Variants in AXL observed in about 807,000 individuals in gnomAD.
AXL encodes AXL receptor tyrosine kinase, also known as tyrosine-protein kinase receptor UFO.
AXL carries 52 observed loss-of-function variants against 104.5 expected under a neutral mutation model. That is an observed-to-expected ratio of 0.50 (90% CI 0.40 to 0.63). AXL has a LOEUF of 0.63. Ranked by LOEUF, AXL falls within the 20% of genes least tolerant of loss-of-function variation. The pLI is 0.00. For missense variants in AXL, 1,024 were observed against 1,188.5 expected (o/e 0.86, Z 2.04); for synonymous variants, 455 against 473.7 (o/e 0.96, Z 0.51).
At chr19:41,236,795 A>G (rs1471690823) in intron 6 of AXL, among the ~76,000 whole-genome samples, 2 of 151,988 alleles carry the variant, frequency 1.3e-5, no homozygotes, top group African/African-American at 2.4e-5. Context: ...GGAAAAAAAA[A>G]AAAAAAGAAA....
intron 2 of AXL, 102 bp from the exon 3 acceptor site, chr19:41,221,044 C>A: frequency 1.6e-6 from 2 of 1,247,734 alleles, no homozygotes; most frequent in Non-Finnish European, 2.3e-6. Flanking sequence ...TCGTGGTTGT[C>A]ATGAGCTTCC....
At position 41,230,960 on chromosome 19, in the gene AXL, T is replaced by A; in HGVS notation, c.587-7T>A. The A allele has an allele frequency of 1.2e-6, 2 of 1,613,478 alleles. 1 individual carries two copies. The highest frequency in any genetic ancestry group is 2.2e-5 in the South Asian group (2 of 91,062). On this transcript the variant is annotated splice_region_variant and splice_polypyrimidine_tract_variant and intron_variant, in intron 4 of 19. Coordinates refer to ENST00000301178, the MANE Select transcript of AXL (RefSeq NM_021913.5). ...ATATTGGACCCTTCCCTCATATGAC[T>A]CCCTAGGGCTGAACAAGACATCCTC...
intron 4 of AXL, among the ~76,000 whole-genome samples, chr19:41,226,558 G>T (rs920590124): frequency 6.6e-6 from 1 of 152,152 alleles, no homozygotes; most frequent in African/African-American, 2.4e-5. Context: ...CACTCCCTCC[G>T]CTGACGGAGA....
Position 41,242,969 on chromosome 19 carries a change from T to C in AXL, c.1399T>C (p.Leu467=), listed in dbSNP as rs1419586157. Residue 467 remains leucine, a synonymous_variant, in exon 11 of 20, where the codon TTG becomes CTG. Transcript: ENST00000301178. Reference sequence around the variant, plus strand: ...CGTGGCCGCTGCCTGTGTCCTCATCTTGGCTCTCTTCCTTGTCCACCGGCG... The same window carrying C: ...CGTGGCCGCTGCCTGTGTCCTCATCCTGGCTCTCTTCCTTGTCCACCGGCG... ...AVVAAACVLI[L]ALFLVHRRKK... 4 of 1,614,238 alleles carry C rather than the reference T, an allele frequency of 2.5e-6. No individual in the cohort carries two copies. Among genetic ancestry groups the C allele is most frequent in the Non-Finnish European group, 2.5e-6 (3 of 1,180,040 alleles).
intron 4 of AXL, among the ~76,000 whole-genome samples, chr19:41,228,940 GTCTTT>G (rs1194158575): frequency 5.1e-5 from 7 of 137,710 alleles, no homozygotes; most frequent in Non-Finnish European, 1.0e-4. Context: ...TTCTTTCTTT[GTCTTT>G]TCTTTTCTTT....
intron 1 of AXL, chr19:41,220,420 G>A (rs569369650): frequency 1.2e-4 from 67 of 538,164 alleles, no homozygotes; most frequent in Non-Finnish European, 1.7e-4. Context: ...CCTCCTTCCC[G>A]ACGGGATGGA....
In AXL at chr19:41,231,003, A is replaced by G. The variant is rs370473880; in HGVS notation, c.623A>G (p.His208Arg). ...ACATCCTCTTTCTCCTGCGAAGCCC[A>G]TAACGCCAAGGGGGTCACCACATCC... ...NKTSSFSCEA[H>R]NAKGVTTSRT... Residue 208 changes from histidine to arginine, a missense_variant, in exon 5 of 20, where the codon CAT (histidine) becomes CGT (arginine). By Grantham distance (29) the His-to-Arg change is conservative. This residue lies in a region of AXL where 332 missense variants were observed against 343.9 expected (regional missense o/e 0.97). Transcript: ENST00000301178. The G allele has an allele frequency of 7.4e-6, 12 of 1,613,948 alleles. No individual in the cohort carries two copies. Among genetic ancestry groups the G allele is most frequent in the Non-Finnish European group, 9.3e-6 (11 of 1,179,920 alleles).
chr19:41,223,520 G>A (rs367872197), intron 4 of AXL, among the ~76,000 whole-genome samples: 6 of 152,192 alleles, frequency 3.9e-5, no homozygotes, highest in East Asian at 1.9e-4. Context: ...TGTAAAGGAA[G>A]GAGGCTGCAG....
chr19:41,233,480 A>C (rs1188252767), intron 6 of AXL, among the ~76,000 whole-genome samples: 1 of 151,496 alleles, frequency 6.6e-6, no homozygotes, highest in African/African-American at 2.4e-5. Context: ...AATTCAAAAA[A>C]ATTAGCTCAG....
chr19:41,232,839 A>T (rs1395199549), intron 6 of AXL, among the ~76,000 whole-genome samples: 1 of 152,060 alleles, frequency 6.6e-6, no homozygotes, highest in Non-Finnish European at 1.5e-5. Context: ...GCATTAACGC[A>T]CACCTGCTCG....
chr19:41,251,055 C>T (rs140778334), intron 14 of AXL, among the ~76,000 whole-genome samples: 1 of 152,318 alleles, frequency 6.6e-6, no homozygotes, highest in East Asian at 1.9e-4. Context: ...CCAGACTGCC[C>T]GGGTTTGAGA....
At position 41,256,672 on chromosome 19, in the gene AXL, CTA is replaced by C. The variant is rs1276469783; in HGVS notation, c.2196+63_2196+64del. 2.5e-6 allele frequency: 4 copies of C among 1,589,086 alleles called. No individual in the cohort carries two copies. In the African/African-American group the frequency reaches 5.4e-5, roughly 21 times the overall value. ...GAGGGCATGGCCTGACCATCACACA[CTA>C]TGCCTGGGTGGCTGTGGATGCAAGG... On this transcript the variant is annotated intron_variant, in intron 18 of 19. Coordinates refer to ENST00000301178, the MANE Select transcript of AXL (RefSeq NM_021913.5).
intron 6 of AXL, 93 bp downstream of exon 6, chr19:41,231,391 C>T (rs1469984583): frequency 2.7e-5 from 32 of 1,195,956 alleles, no homozygotes; most frequent in Admixed American, 2.4e-5. Context: ...CACCACTTCT[C>T]GGCCACTGTT....
chr19:41,230,377 CTATG>C (rs1350181794), intron 4 of AXL, among the ~76,000 whole-genome samples: 1 of 143,420 alleles, frequency 7.0e-6, no homozygotes, highest in Non-Finnish European at 1.5e-5. Flanking sequence ...GCATATGTGT[CTATG>C]TGTGTGTATG....
intron 4 of AXL, among the ~76,000 whole-genome samples, chr19:41,229,826 A>G (rs566001647): frequency 1.3e-5 from 2 of 151,988 alleles, no homozygotes; most frequent in African/African-American, 4.8e-5. Flanking sequence ...AGATGAACAG[A>G]CATGTCTCCA....
chr19:41,232,998 T>C (rs1480361702), intron 6 of AXL, among the ~76,000 whole-genome samples: 5 of 148,280 alleles, frequency 3.4e-5, no homozygotes, highest in Non-Finnish European at 7.5e-5. Flanking sequence ...TTTTCTTTTC[T>C]TTTTTTTTTG....
intron 3 of AXL, chr19:41,221,552 G>A (rs148965396): frequency 5.5e-5 from 27 of 491,634 alleles, no homozygotes; most frequent in Middle Eastern, 5.3e-4. Flanking sequence ...CAGATAAGGC[G>A]TCAGAGGCAC....
intron 4 of AXL, among the ~76,000 whole-genome samples, chr19:41,230,291 T>C (rs530166371): frequency 3.4e-4 from 52 of 151,224 alleles, no homozygotes; most frequent in African/African-American, 1.3e-3. Context: ...TGTGTGTGTA[T>C]GAGTATGTAT....
rs1395826272 is a variant in AXL, at chr19:41,259,892, G to A, written c.2673G>A (p.Glu891=). The change falls in exon 20 of 20, where the codon GAG becomes GAA. Residue 891 remains glutamate, a synonymous_variant. Transcript: ENST00000301178. Reference sequence around the variant, plus strand: ...GCTCCCCAGCAGCCCCAGGGCAGGAGGATGGTGCCTGAGACAACCCTCCAC... The same window carrying A: ...GCTCCCCAGCAGCCCCAGGGCAGGAAGATGGTGCCTGAGACAACCCTCCAC... ...DRGSPAAPGQ[E]DGA 1 of 1,577,360 alleles carries A rather than the reference G, an allele frequency of 6.3e-7. No homozygotes were observed. Among genetic ancestry groups the A allele is most frequent in the Non-Finnish European group, 8.6e-7 (1 of 1,159,576 alleles).
Sources: gnomAD v4.1 joint callset for allele counts (sites outside exome capture counted in the v4.1 genomes callset) on GRCh38, gnomAD v4.1.1 for gene constraint, gnomAD v4.1.1 regional missense constraint, MANE v1.5 for transcripts, NCBI Gene and HGNC (gene_info 2026-07-23, HGNC 2026-07-21) for gene names.